The following COL4A6 variants were observed in gnomAD, a reference collection of about 807,000 sequenced individuals.
The protein encoded by COL4A6 is collagen type IV alpha 6 chain, also known as collagen alpha-6(IV) chain.
In COL4A6, 59 loss-of-function variants were observed where a neutral mutation model predicts 126.7. The ratio of observed to expected loss-of-function variants is 0.47; its 90% CI spans 0.38 to 0.58. The LOEUF (loss-of-function observed/expected upper bound fraction) is 0.58. Ranked by LOEUF, COL4A6 falls within the 20% of genes least tolerant of loss-of-function variation. The probability of loss-of-function intolerance (pLI) is 0.00; values close to 1 mark genes in which losing one functional copy is unlikely to be tolerated. For synonymous variants in COL4A6, 547 were observed against 496.6 expected (o/e 1.10, Z -1.35); for missense variants, 1,285 against 1,337.3 (o/e 0.96, Z 0.61).
intron 3 of COL4A6, among the ~76,000 whole-genome samples, chrX:108,224,776 C>A (rs2036118881): frequency 8.9e-6 from 1 of 111,934 alleles, no homozygotes; most frequent in African/African-American, 3.3e-5. Flanking sequence ...ATTTCTGCCT[C>A]ATTACCCATA....
At chrX:108,368,087 A>G (rs953342026) in intron 2 of COL4A6, among the ~76,000 whole-genome samples, 5 of 109,141 alleles carry the variant, frequency 4.6e-5, no homozygotes, top group Non-Finnish European at 7.6e-5. Context: ...TACTTTATAT[A>G]TATAGTCATA....
At chrX:108,331,561 A>G (rs1186048921) in intron 2 of COL4A6, among the ~76,000 whole-genome samples, 1 of 112,085 alleles carries the variant, frequency 8.9e-6, no homozygotes, top group Non-Finnish European at 1.9e-5. Flanking sequence ...ACTGTTGTAT[A>G]TGCCATCCGT....
chrX:108,374,055 A>T (rs765779176), intron 2 of COL4A6, among the ~76,000 whole-genome samples: 1 of 112,684 alleles, frequency 8.9e-6, no homozygotes, highest in Non-Finnish European at 1.9e-5. Flanking sequence ...ACACTGGTTA[A>T]TTAGCCCTTA....
At position 108,163,024 on chromosome X, in the gene COL4A6, G is replaced by A. The variant is rs756772211; in HGVS notation, c.4084C>T (p.Gln1362Ter). 1 of 1,197,924 alleles carries A rather than the reference G, an allele frequency of 8.3e-7. No individual in the cohort carries two copies. Among genetic ancestry groups the A allele is most frequent in the Non-Finnish European group, 1.1e-6 (1 of 890,409 alleles). ...GTTGGTGTTTGTCCAGGATCACCTTGGAGGCCAGAAGAGCCTGTGGGCAGG... is the reference window on the plus strand; with the variant it reads ...GTTGGTGTTTGTCCAGGATCACCTTAGAGGCCAGAAGAGCCTGTGGGCAGG... ...KAGPRGSSGL[Q>*]GDPGQTPTAE... Residue 1362 changes from glutamine (Q) to a stop codon, truncating the protein, a stop_gained, in exon 41 of 45, where the codon CAA becomes TAA. Coordinates refer to ENST00000334504, the MANE Select transcript of COL4A6 (RefSeq NM_033641.4). LOFTEE classifies it high-confidence loss of function.
At chrX:108,369,449 T>C (rs1469093088) in intron 2 of COL4A6, among the ~76,000 whole-genome samples, 1 of 111,926 alleles carries the variant, frequency 8.9e-6, no homozygotes, top group Non-Finnish European at 1.9e-5. Context: ...GGAGGTTCTG[T>C]TAAAAACTGT....
At chrX:108,254,802 G>A (rs2036950254) in intron 3 of COL4A6, among the ~76,000 whole-genome samples, 2 of 110,297 alleles carry the variant, frequency 1.8e-5, no homozygotes, top group African/African-American at 6.6e-5. Context: ...GGGGAATTGT[G>A]TGGAATGGAA....
chrX:108,410,842 A>G, intron 2 of COL4A6, among the ~76,000 whole-genome samples: 1 of 111,661 alleles, frequency 9.0e-6, no homozygotes, highest in East Asian at 2.8e-4. Flanking sequence ...TTCACCAAGA[A>G]CTCAATTTCC....
At position 108,398,711 on chromosome X, in the gene COL4A6, G is replaced by A. The variant is rs374103009; in HGVS notation, c.63+39231C>T. On this transcript the variant is annotated intron_variant, in intron 2 of 44. Coordinates refer to ENST00000334504, the MANE Select transcript of COL4A6 (RefSeq NM_033641.4). ...TGAAATATAGTTCTATCCACAGACC[G>A]TTAAGGGATCGCCTTCCTTGATTAA... is the stretch of plus-strand genomic sequence containing the variant. 3.9e-4 allele frequency among the ~76,000 whole-genome samples: 43 copies of A among 111,364 alleles called. No homozygotes were observed. In the East Asian group the frequency reaches 5.3e-3, roughly 14 times the overall value.
chrX:108,167,368 G>T (rs1179112143), intron 37 of COL4A6, among the ~76,000 whole-genome samples: 8 of 111,575 alleles, frequency 7.2e-5, no homozygotes, highest in Non-Finnish European at 1.5e-4. Context: ...ATAGGGTCTT[G>T]CTCTGTTGCC....
chrX:108,180,474 C>G, intron 25 of COL4A6, 41 bp downstream of exon 25: 1 of 1,070,037 alleles, frequency 9.3e-7, no homozygotes, highest in Non-Finnish European at 1.3e-6. Context: ...CACACACATA[C>G]ACACAAAGAG....
chrX:108,201,133 C>G (rs186736677), intron 13 of COL4A6, among the ~76,000 whole-genome samples: 1 of 111,623 alleles, frequency 9.0e-6, no homozygotes, highest in Non-Finnish European at 1.9e-5. Flanking sequence ...ATAGAAGGAA[C>G]CTGTGCCACT....
chrX:108,427,805 T>TA (rs1250770774), intron 2 of COL4A6, among the ~76,000 whole-genome samples: 1 of 111,871 alleles, frequency 8.9e-6, no homozygotes, highest in African/African-American at 3.2e-5. Flanking sequence ...TAAGAGATGA[T>TA]AAAAAACTTA....
chrX:108,165,938 C>G lies in COL4A6; in HGVS notation c.3692-452G>C, dbSNP rs1207195949. Among the ~76,000 whole-genome samples, 22 of 112,843 alleles carry G rather than the reference C, an allele frequency of 1.9e-4. No homozygotes were observed. The Admixed American group carries it at 2.1e-3, about 11-fold the overall frequency. On this transcript the variant is annotated intron_variant, in intron 37 of 44. Transcript: ENST00000334504. ...GGCCACAGGCCCCAGCCAGTCAGAA[C>G]AGACACCAGGCCGATCAGAATGGAG... is the stretch of plus-strand genomic sequence containing the variant.
At chrX:108,191,246 C>T (rs746273226) in intron 19 of COL4A6, 147 bp downstream of exon 19, 51 of 664,985 alleles carry the variant, frequency 7.7e-5, no homozygotes, top group Admixed American at 1.5e-4. Flanking sequence ...TCAGAGACGA[C>T]GGGGCCTTCA....
chrX:108,314,141 A>G (rs780705603), intron 2 of COL4A6, among the ~76,000 whole-genome samples: 214 of 111,617 alleles, frequency 1.9e-3, no homozygotes, highest in Non-Finnish European at 3.4e-3. Context: ...TATTCAGAAC[A>G]CCTGTCATTC....
chrX:108,300,179 T>A (rs2038448296), intron 3 of COL4A6, among the ~76,000 whole-genome samples: 1 of 111,366 alleles, frequency 9.0e-6, no homozygotes, highest in African/African-American at 3.3e-5. Context: ...TGAATTCTCC[T>A]TAAGTGGAAT....
At chrX:108,425,049 A>AATAT (rs1456704435) in intron 2 of COL4A6, among the ~76,000 whole-genome samples, 1 of 111,306 alleles carries the variant, frequency 9.0e-6, no homozygotes, top group Non-Finnish European at 1.9e-5. Context: ...TAAATAAATA[A>AATAT]CATATTTAAA....
chrX:108,255,236 G>C (rs753348790), intron 3 of COL4A6, among the ~76,000 whole-genome samples: 12 of 92,488 alleles, frequency 1.3e-4, no homozygotes, highest in African/African-American at 6.3e-4. Flanking sequence ...AAATGGAAGT[G>C]GGGGGGCTAC....
At chrX:108,439,424 C>G, upstream of COL4A6, 2 of 690,746 alleles carry the variant, frequency 2.9e-6, no homozygotes, top group Non-Finnish European at 4.1e-6. Flanking sequence ...TGTAGAAACT[C>G]TCTGTTCTGT....
Sources: allele counts gnomAD v4.1 joint callset (sites outside exome capture counted in the v4.1 genomes callset), GRCh38; gene constraint gnomAD v4.1.1; transcripts MANE v1.5; gene names NCBI Gene and HGNC (gene_info 2026-07-23, HGNC 2026-07-21).